TTC28: variants seen among roughly 807,000 people sequenced by gnomAD.
The protein encoded by TTC28 is tetratricopeptide repeat protein 28.
A neutral mutation model predicts 198.0 loss-of-function variants in TTC28; 61 were observed. That is an observed-to-expected ratio of 0.31 (90% CI 0.25 to 0.38). The LOEUF (loss-of-function observed/expected upper bound fraction) is 0.38, where lower values mean the gene tolerates loss of function less well. Among genes scored for constraint, TTC28 ranks in the 10% least tolerant of loss-of-function variants. The probability of loss-of-function intolerance (pLI) is 1.00; values close to 1 mark genes in which losing one functional copy is unlikely to be tolerated. For missense variants in TTC28, 2,678 were observed against 3,164.0 expected (o/e 0.85, Z 3.69); for synonymous variants, 1,171 against 1,297.8 (o/e 0.90, Z 2.10).
chr22:28,652,300 G>C (rs1053011562), intron 1 of TTC28, among the ~76,000 whole-genome samples: 8 of 152,164 alleles, frequency 5.3e-5, no homozygotes, highest in African/African-American at 1.7e-4. Flanking sequence ...GGCTCTGTTT[G>C]GAGTCCCCAA....
intron 5 of TTC28, among the ~76,000 whole-genome samples, chr22:28,219,168 G>T (rs1041827085): frequency 2.6e-5 from 4 of 151,768 alleles, no homozygotes; most frequent in African/African-American, 4.8e-5. Context: ...ATTACTTAAC[G>T]TCTCTTGGTC....
intron 2 of TTC28, among the ~76,000 whole-genome samples, chr22:28,433,971 C>T (rs919864560): frequency 6.6e-6 from 1 of 152,136 alleles, no homozygotes; most frequent in Non-Finnish European, 1.5e-5. Flanking sequence ...TCTTATTTAT[C>T]AAAAGGTCAC....
At chr22:28,651,647 A>C (rs1434271677) in intron 1 of TTC28, among the ~76,000 whole-genome samples, 1 of 151,452 alleles carries the variant, frequency 6.6e-6, no homozygotes, top group Non-Finnish European at 1.5e-5. Context: ...CCTTGGCTCA[A>C]GCGATTCTCC....
At chr22:28,276,285 T>C (rs1166928957) in intron 5 of TTC28, among the ~76,000 whole-genome samples, 1 of 152,128 alleles carries the variant, frequency 6.6e-6, no homozygotes, top group African/African-American at 2.4e-5. Context: ...AGTGCTGGGA[T>C]TACAGGTGTG....
At chr22:28,481,815 T>G (rs1348214759) in intron 2 of TTC28, among the ~76,000 whole-genome samples, 1 of 152,218 alleles carries the variant, frequency 6.6e-6, no homozygotes, top group Non-Finnish European at 1.5e-5. Flanking sequence ...GTTGGTTTTG[T>G]GCTGCAATGC....
intron 12 of TTC28, among the ~76,000 whole-genome samples, chr22:28,075,071 G>C (rs1001203295): frequency 5.3e-5 from 8 of 151,888 alleles, no homozygotes; most frequent in African/African-American, 1.7e-4. Flanking sequence ...CTGGATAACA[G>C]AGAGAGATTC....
intron 2 of TTC28, among the ~76,000 whole-genome samples, chr22:28,547,769 T>C (rs903709793): frequency 6.6e-6 from 1 of 150,592 alleles, no homozygotes; most frequent in South Asian, 2.1e-4. Context: ...TAAAGAAAAG[T>C]AGCATAAAAT....
intron 2 of TTC28, among the ~76,000 whole-genome samples, chr22:28,551,354 A>C (rs2049667995): frequency 6.6e-6 from 1 of 152,200 alleles, no homozygotes; most frequent in Non-Finnish European, 1.5e-5. Context: ...ATAGAGAAAG[A>C]GGGAATCCTT....
At chr22:28,562,515 C>T (rs1273936597) in intron 2 of TTC28, among the ~76,000 whole-genome samples, 1 of 152,066 alleles carries the variant, frequency 6.6e-6, no homozygotes, top group Non-Finnish European at 1.5e-5. Flanking sequence ...TGAAGAACCA[C>T]CGTAGAAGTG....
chr22:28,604,297 TTATA>T lies in TTC28; in HGVS notation c.381+25251_381+25254del, dbSNP rs35077140. 3.0e-4 allele frequency among the ~76,000 whole-genome samples: 34 copies of T among 114,104 alleles called. 2 individuals carry two copies. The highest frequency in any genetic ancestry group is 4.4e-4 in the East Asian group (2 of 4,536). The allele number at this position is 114,104 out of a possible 152,430, so 74.9% of individuals were successfully genotyped here. ...AGTCTTAAACAGAAAAAAAAAAAAA[TTATA>T]TATATATATATATATATATATGTCT... On this transcript the variant is annotated intron_variant, in intron 2 of 22. Transcript: ENST00000397906.
chr22:28,463,801 A>G (rs1001513687), intron 2 of TTC28, among the ~76,000 whole-genome samples: 1 of 152,090 alleles, frequency 6.6e-6, no homozygotes, highest in African/African-American at 2.4e-5. Context: ...TGGGAGATAT[A>G]CCTAATGTAA....
intron 2 of TTC28, among the ~76,000 whole-genome samples, chr22:28,352,329 A>ATG (rs1555974443): frequency 5.3e-5 from 8 of 150,688 alleles, no homozygotes; most frequent in Non-Finnish European, 8.9e-5. Flanking sequence ...ATATATATAT[A>ATG]TATATATCTC....
intron 2 of TTC28, among the ~76,000 whole-genome samples, chr22:28,608,202 G>A (rs569009619): frequency 3.3e-5 from 5 of 152,274 alleles, no homozygotes; most frequent in Non-Finnish European, 5.9e-5. Flanking sequence ...TCACCTATGT[G>A]ATCGACTTGA....
chr22:28,271,615 G>GT (rs200573673), intron 5 of TTC28, among the ~76,000 whole-genome samples: 1,749 of 151,748 alleles, frequency 0.012, 31 homozygotes, highest in African/African-American at 0.04. Context: ...AGATCTGGTG[G>GT]TTTTTTTTGA....
intron 2 of TTC28, among the ~76,000 whole-genome samples, chr22:28,496,123 C>G (rs894862246): frequency 6.6e-6 from 1 of 152,122 alleles, no homozygotes; most frequent in Non-Finnish European, 1.5e-5. Flanking sequence ...TTCTCAGTTT[C>G]TTTTGCTGAA....
intron 5 of TTC28, among the ~76,000 whole-genome samples, chr22:28,276,931 T>C (rs947818435): frequency 2.6e-5 from 4 of 152,174 alleles, no homozygotes; most frequent in African/African-American, 7.2e-5. Flanking sequence ...ATTTTATTCA[T>C]CCTGTAATCA....
intron 2 of TTC28, among the ~76,000 whole-genome samples, chr22:28,597,830 C>A (rs1044953145): frequency 1.3e-5 from 2 of 152,066 alleles, no homozygotes; most frequent in Non-Finnish European, 2.9e-5. Context: ...TTTGCTCTGT[C>A]ACCCAGGCTG....
At chr22:28,523,474 T>C (rs1383528021) in intron 2 of TTC28, among the ~76,000 whole-genome samples, 1 of 152,206 alleles carries the variant, frequency 6.6e-6, no homozygotes, top group African/African-American at 2.4e-5. Context: ...GATCCACTAC[T>C]GAGGCCTTAA....
intron 5 of TTC28, among the ~76,000 whole-genome samples, chr22:28,232,510 C>T (rs923645130): frequency 6.6e-6 from 1 of 152,136 alleles, no homozygotes; most frequent in African/African-American, 2.4e-5. Flanking sequence ...CTGGAGTTTC[C>T]GTTCCGGGGT....
Sources: gnomAD v4.1 joint callset for allele counts (sites outside exome capture counted in the v4.1 genomes callset) on GRCh38, gnomAD v4.1.1 for gene constraint, MANE v1.5 for transcripts, NCBI Gene and HGNC (gene_info 2026-07-23, HGNC 2026-07-21) for gene names.